Variants in MOV10 observed in about 807,000 individuals in gnomAD.
MOV10 encodes the protein Mov10 RNA helicase.
A neutral mutation model predicts 108.4 loss-of-function variants in MOV10; 39 were observed. The ratio of observed to expected loss-of-function variants is 0.36; its 90% confidence interval spans 0.28 to 0.47. The LOEUF is 0.47. Ranked by LOEUF, MOV10 falls within the 20% of genes least tolerant of loss-of-function variation. The pLI, the probability that MOV10 is intolerant of heterozygous loss-of-function variation, is 1.00. For missense variants in MOV10, 952 were observed against 1,297.6 expected (o/e 0.73, Z 4.09); for synonymous variants, 490 against 523.1 (o/e 0.94, Z 0.86).
Position 112,688,941 on chromosome 1 carries a change from G to T in MOV10, c.144G>T (p.Gly48=). 6.2e-7 allele frequency: 1 copy of T among 1,612,216 alleles called. No homozygotes were observed. The highest frequency in any genetic ancestry group is 1.3e-5 in the African/African-American group (1 of 74,932). The part of the protein sequence containing the change: ...IYNRDFKISF[G]TPAPGFSSML... The stretch of plus-strand genomic sequence containing the variant: ...TCTCCTCTGCTTCTGGCAGCTTTGG[G>T]ACCCCCGCCCCTGGCTTCTCCTCCA... The change falls in exon 3 of 21, where the codon GGG becomes GGT. Residue 48 remains glycine, a synonymous_variant. Coordinates refer to ENST00000369645, the MANE Select transcript of MOV10 (RefSeq NM_001321324.2).
intron 14 of MOV10, 45 bp from the exon 15 acceptor site, chr1:112,697,949 G>C: frequency 6.5e-7 from 1 of 1,531,532 alleles, no homozygotes; most frequent in Non-Finnish European, 9.1e-7. Context: ...GTAGGGCAGA[G>C]GGAATCTGAC....
intron 2 of MOV10, 154 bp from the exon 3 acceptor site, chr1:112,688,781 G>T: frequency 6.8e-7 from 1 of 1,470,938 alleles, no homozygotes; most frequent in Middle Eastern, 2.5e-4. Context: ...CCGATCCCCA[G>T]CCTGAGTCTC....
chr1:112,677,145 T>C (rs1324641406), intron 2 of MOV10, among the ~76,000 whole-genome samples: 2 of 152,142 alleles, frequency 1.3e-5, no homozygotes, highest in African/African-American at 4.8e-5. Flanking sequence ...TTTTAGTACA[T>C]AGAGGAGGTG....
chr1:112,686,848 A>G (rs1042643934), intron 2 of MOV10: 7 of 444,846 alleles, frequency 1.6e-5, no homozygotes, highest in African/African-American at 2.0e-5. Flanking sequence ...CATTCTAAGT[A>G]TTAGCGAATC....
In MOV10 at chr1:112,694,945, C is replaced by A; in HGVS notation, c.1620+49C>A. 1 of 1,567,392 alleles carries A rather than the reference C, an allele frequency of 6.4e-7. No homozygotes were observed. On this transcript the variant is annotated intron_variant, in intron 10 of 20. Coordinates refer to ENST00000369645, the MANE Select transcript of MOV10 (RefSeq NM_001321324.2). The surrounding 1 kb of genome is among the most constrained non-coding windows in gnomAD (Gnocchi z 4.1). ...GGCCTGCACTCTGATTCCCCCAGCA[C>A]CAAGCAGTTGTCCCCAGATTCTAGT...
At position 112,695,560 on chromosome 1, in the gene MOV10, C is replaced by T; in HGVS notation, c.1765C>T (p.Pro589Ser). ...LAPSRDIRMV[P>S]EDIKPCCNWD... Reference sequence around the variant, plus strand: ...CCCCAGCAGGGACATCCGCATGGTACCTGAGGACATCAAGGTACTAGGGAA... The same window carrying T: ...CCCCAGCAGGGACATCCGCATGGTATCTGAGGACATCAAGGTACTAGGGAA... Residue 589 changes from proline to serine, a missense_variant, in exon 11 of 21, where the codon CCT becomes TCT. Physicochemically the swap from Pro to Ser is moderately conservative, Grantham distance 74. Transcript: ENST00000369645. The T allele has an allele frequency of 6.2e-7, 1 of 1,613,958 alleles. No homozygotes were observed. Among genetic ancestry groups the T allele is most frequent in the Non-Finnish European group, 8.5e-7 (1 of 1,179,956 alleles).
rs1672070142 is a variant in MOV10 at position 112,675,035 on chromosome 1, C to T, written c.123C>T (p.Arg41=). 2 of 1,593,856 alleles carry T rather than the reference C, an allele frequency of 1.3e-6. No individual in the cohort carries two copies. Among genetic ancestry groups the T allele is most frequent in the South Asian group, 2.2e-5 (2 of 89,258 alleles). Residue 41 remains arginine, a synonymous_variant, in exon 2 of 21, where the codon CGC becomes CGT. Coordinates refer to ENST00000369645, the MANE Select transcript of MOV10 (RefSeq NM_001321324.2). This position sits in a 1 kb window ranked among gnomAD's most constrained non-coding sequence, Gnocchi z 4.7. The part of the protein sequence containing the change: ...DRERLRTIYN[R]DFKISFGTPA... ...AGCGGCTGCGGACCATTTATAACCGCGACTTCAAGATCAGGTACGGGCCGG... is the reference window on the plus strand; with the variant it reads ...AGCGGCTGCGGACCATTTATAACCGTGACTTCAAGATCAGGTACGGGCCGG...
In MOV10 at chr1:112,696,864, C is replaced by T. The variant is rs1311526424; in HGVS notation, c.2198+18C>T. On this transcript the variant is annotated intron_variant, in intron 14 of 20. Coordinates refer to ENST00000369645, the MANE Select transcript of MOV10 (RefSeq NM_001321324.2). ...AACTACAGGTATTCCCATGCCCTTG[C>T]CTCCCCTGCCATATCCTATGCTTTC... The T allele has an allele frequency of 1.3e-6, 2 of 1,554,292 alleles. No homozygotes were observed. The highest frequency in any genetic ancestry group is 1.7e-6 in the Non-Finnish European group (2 of 1,144,712).
Position 112,696,494 on chromosome 1 carries a change from T to C in MOV10, c.1941T>C (p.Ala647=), listed in dbSNP as rs1226372509. The change falls in exon 13 of 21, where the codon GCT becomes GCC. Residue 647 remains alanine, a synonymous_variant. Coordinates refer to ENST00000369645, the MANE Select transcript of MOV10 (RefSeq NM_001321324.2). ...TCACACACATCTTCATCGATGAGGC[T>C]GGCCACTGCATGGAGCCTGAGAGTC... The part of the protein sequence containing the change: ...DHFTHIFIDE[A]GHCMEPESLV... 1.2e-6 allele frequency: 2 copies of C among 1,614,136 alleles called. No homozygotes were observed. Among genetic ancestry groups the C allele is most frequent in the South Asian group, 2.2e-5 (2 of 91,074 alleles).
At position 112,692,191 on chromosome 1, in the gene MOV10, G is replaced by C. The variant is rs543524607; in HGVS notation, c.971+392G>C. Among the ~76,000 whole-genome samples the C allele has an allele frequency of 3.2e-4, 49 of 152,274 alleles. No homozygotes were observed. In the South Asian group the frequency reaches 9.5e-3, roughly 30 times the overall value. The stretch of plus-strand genomic sequence containing the variant: ...ACAAAAAAAAATTTTAATTAGCCAA[G>C]TGTGGTGGCACATGTCTGTAGTCCC... On this transcript the variant is annotated intron_variant, in intron 6 of 20. Coordinates refer to ENST00000369645, the MANE Select transcript of MOV10 (RefSeq NM_001321324.2).
chr1:112,684,468 A>G (rs949797975), intron 2 of MOV10, among the ~76,000 whole-genome samples: 2 of 151,696 alleles, frequency 1.3e-5, no homozygotes, highest in African/African-American at 4.9e-5. Context: ...GGGTTTCTCC[A>G]TGCAGGTCAG....
In MOV10 at chr1:112,693,666, G is replaced by GT. The variant is rs56664526; in HGVS notation, c.1141-331dup. 3.1e-3 allele frequency: 431 copies of GT among 137,124 alleles called. 2 individuals carry two copies. The highest frequency in any genetic ancestry group is 6.7e-3 in the East Asian group (32 of 4,748). 8.5% of individuals were successfully genotyped at this position (137,124 alleles called of 1,614,324 possible). ...AGGCGTGAGCCACCATGCCTGGTCC[G>GT]TTTTTTTTTTTTTTTTTTTTTAATT... On this transcript the variant is annotated intron_variant, in intron 7 of 20. Coordinates refer to ENST00000369645, the MANE Select transcript of MOV10 (RefSeq NM_001321324.2).
chr1:112,675,103 A>C lies in MOV10; in HGVS notation c.137+54A>C. On this transcript the variant is annotated intron_variant, in intron 2 of 20. Transcript: ENST00000369645. The surrounding 1 kb of genome is among the most constrained non-coding windows in gnomAD (Gnocchi z 4.7). ...ATCGCGGGCCCAGCTTGCTGCCACG[A>C]CCCCCGCGCGAGGGCCACCTTTCCC... 6.4e-7 allele frequency: 1 copy of C among 1,557,350 alleles called. No homozygotes were observed. Among genetic ancestry groups the C allele is most frequent in the Admixed American group, 2.0e-5 (1 of 49,650 alleles).
intron 10 of MOV10, 23 bp from the exon 11 acceptor site, chr1:112,695,393 C>T: frequency 6.2e-7 from 1 of 1,611,546 alleles, no homozygotes; most frequent in African/African-American, 1.3e-5. Context: ...CTGCCTCCCA[C>T]ACTGCGCTTA....
chr1:112,690,629 G>A (rs1444776682), intron 5 of MOV10, among the ~76,000 whole-genome samples: 1 of 151,886 alleles, frequency 6.6e-6, no homozygotes, highest in African/African-American at 2.4e-5. Context: ...CAAAATGCTG[G>A]GATTACAGGG....
intron 2 of MOV10, among the ~76,000 whole-genome samples, chr1:112,679,670 A>G (rs1672473716): frequency 6.6e-6 from 1 of 152,090 alleles, no homozygotes; most frequent in East Asian, 1.9e-4. Context: ...GGGTATGATC[A>G]GGCAGCTCAC....
At chr1:112,695,710 T>G in intron 11 of MOV10, 136 bp downstream of exon 11, 1 of 777,836 alleles carries the variant, frequency 1.3e-6, no homozygotes, top group Non-Finnish European at 1.8e-6. Flanking sequence ...GACCCCTCCC[T>G]GGGCCTCAGT....
rs752467589 is a variant in MOV10 at position 112,700,519 on chromosome 1, C to CCAG, written c.*14_*16dup. The CCAG allele has an allele frequency of 6.2e-7, 1 of 1,611,544 alleles. No homozygotes were observed. Among genetic ancestry groups the CCAG allele is most frequent in the Non-Finnish European group, 8.5e-7 (1 of 1,178,618 alleles). ...GGAATGAGCTCTGAAGACACAGCAC[C>CCAG]CAGCCTTCTCGCACCAGCCAAGCCT... On this transcript the variant is annotated 3_prime_UTR_variant, in exon 21 of 21. Coordinates refer to ENST00000369645, the MANE Select transcript of MOV10 (RefSeq NM_001321324.2).
chr1:112,684,848 C>T (rs1279451702), intron 2 of MOV10, among the ~76,000 whole-genome samples: 4 of 151,942 alleles, frequency 2.6e-5, no homozygotes, highest in African/African-American at 7.3e-5. Flanking sequence ...ATTGAATATT[C>T]GATTTTTCTG....
Sources: allele counts gnomAD v4.1 joint callset (sites outside exome capture counted in the v4.1 genomes callset), GRCh38; gene constraint gnomAD v4.1.1; non-coding constraint Gnocchi (gnomAD v3.1); transcripts MANE v1.5; gene names NCBI Gene and HGNC (gene_info 2026-07-23, HGNC 2026-07-21).